Variants in UTRN observed in about 807,000 individuals in gnomAD.
UTRN encodes dystrophin-related protein 1.
Under a neutral mutation model 463.9 loss-of-function variants are expected in UTRN, and 283 were observed. The observed-to-expected ratio is 0.61, with a 90% CI of 0.55 to 0.67. The LOEUF (loss-of-function observed/expected upper bound fraction) is 0.67. Ranked by LOEUF, UTRN falls within the 30% of genes least tolerant of loss-of-function variation. The pLI is 0.00. For synonymous variants in UTRN, 1,442 were observed against 1,431.5 expected (o/e 1.01, Z -0.17); for missense variants, 3,922 against 4,084.3 (o/e 0.96, Z 1.08).
At chr6:144,333,988 C>T (rs554659469) in intron 2 of UTRN, among the ~76,000 whole-genome samples, 5 of 152,182 alleles carry the variant, frequency 3.3e-5, no homozygotes, top group African/African-American at 4.8e-5. Flanking sequence ...CATTGATGAT[C>T]GATGCTAAGA....
intron 47 of UTRN, among the ~76,000 whole-genome samples, chr6:144,549,284 T>C (rs1228697058): frequency 1.3e-5 from 2 of 152,220 alleles, no homozygotes; most frequent in Non-Finnish European, 2.9e-5. Context: ...CATCTAATAT[T>C]CATTTGTAAA....
chr6:144,677,371 G>T (rs918443497), intron 51 of UTRN, among the ~76,000 whole-genome samples: 1 of 152,060 alleles, frequency 6.6e-6, no homozygotes, highest in African/African-American at 2.4e-5. Context: ...GCGGTGTTTG[G>T]TTTTCTGTTC....
chr6:144,365,778 C>T (rs534116061), intron 2 of UTRN, among the ~76,000 whole-genome samples: 2 of 152,282 alleles, frequency 1.3e-5, no homozygotes, highest in African/African-American at 4.8e-5. Context: ...TGCTCTGTCA[C>T]CCAGGCTGGA....
intron 55 of UTRN, 104 bp from the exon 56 acceptor site, chr6:144,751,702 A>G (rs773115655): frequency 8.9e-5 from 100 of 1,126,516 alleles, no homozygotes; most frequent in Admixed American, 1.1e-4. Context: ...AAATCTGTGC[A>G]TATGTGAACC....
rs139758355 is a variant in UTRN, at chr6:144,499,418, C to T, written c.4755C>T (p.Ser1585=). ...TTGGTGACTTGGATACAGAAATTTC[C>T]TGGGCTAAAGTAAGTTGCAGTTCAG... ...GLLGDLDTEI[S]WAKNVLKDLE... The change falls in exon 34 of 75, where the codon TCC becomes TCT. Residue 1585 remains serine (S), a synonymous_variant. Transcript: ENST00000367545. The T allele has an allele frequency of 6.2e-7, 1 of 1,606,228 alleles. No homozygotes were observed. Among genetic ancestry groups the T allele is most frequent in the African/African-American group, 1.3e-5 (1 of 74,884 alleles).
intron 2 of UTRN, chr6:144,398,394 C>A: frequency 2.6e-6 from 1 of 379,036 alleles, no homozygotes; most frequent in South Asian, 2.5e-5. Flanking sequence ...GGGCATCTGG[C>A]TGGGATTCTT....
intron 13 of UTRN, 135 bp from the exon 14 acceptor site, chr6:144,444,146 G>A: frequency 1.5e-6 from 1 of 672,048 alleles, no homozygotes; most frequent in African/African-American, 1.9e-5. Context: ...TTATTTTAAA[G>A]CAATTTTTAT....
At chr6:144,832,858 C>A (rs543025823) in intron 69 of UTRN, among the ~76,000 whole-genome samples, 1 of 152,162 alleles carries the variant, frequency 6.6e-6, no homozygotes, top group South Asian at 2.1e-4. Flanking sequence ...CTCACTCTGT[C>A]GCCCAGGCTG....
chr6:144,616,115 T>C (rs985830758), intron 51 of UTRN, among the ~76,000 whole-genome samples: 2 of 152,150 alleles, frequency 1.3e-5, no homozygotes, highest in Admixed American at 6.6e-5. Flanking sequence ...GGCAGTAGCA[T>C]TGGACCCTAA....
intron 34 of UTRN, among the ~76,000 whole-genome samples, chr6:144,502,967 A>C (rs1585039916): frequency 6.6e-6 from 1 of 152,054 alleles, no homozygotes; most frequent in African/African-American, 2.4e-5. Flanking sequence ...ATGGTATCTC[A>C]TTGTAGTTTT....
chr6:144,641,552 C>G (rs1477456195), intron 51 of UTRN, among the ~76,000 whole-genome samples: 1 of 152,124 alleles, frequency 6.6e-6, no homozygotes, highest in East Asian at 1.9e-4. Context: ...ACTAGTTTTT[C>G]AGGTTAACTC....
chr6:144,444,249 T>C (rs370009354), intron 13 of UTRN, 32 bp from the exon 14 acceptor site: 21 of 1,558,882 alleles, frequency 1.3e-5, no homozygotes, highest in East Asian at 2.3e-5. Context: ...CTTAAGGCTG[T>C]GTTGACAAAG....
intron 2 of UTRN, among the ~76,000 whole-genome samples, chr6:144,297,951 A>AT (rs571000766): frequency 2.6e-5 from 4 of 152,160 alleles, no homozygotes; most frequent in Non-Finnish European, 5.9e-5. Flanking sequence ...ATTGAACCTT[A>AT]TTTGTACCCA....
intron 52 of UTRN, among the ~76,000 whole-genome samples, chr6:144,699,365 A>G (rs1784330149): frequency 1.3e-5 from 2 of 150,554 alleles, no homozygotes; most frequent in South Asian, 2.1e-4. Context: ...GTTTGAACCC[A>G]GGAGGCAGAG....
At chr6:144,310,709 CA>C in intron 2 of UTRN, among the ~76,000 whole-genome samples, 1 of 152,162 alleles carries the variant, frequency 6.6e-6, no homozygotes, top group Non-Finnish European at 1.5e-5. Context: ...ACCCAGGAGG[CA>C]GAGGTTGCAT....
intron 51 of UTRN, 42 bp from the exon 52 acceptor site, chr6:144,678,363 GA>G (rs1554335183): frequency 6.3e-7 from 1 of 1,579,240 alleles, no homozygotes; most frequent in African/African-American, 1.3e-5. Context: ...AAGATATACT[GA>G]TTCCTAACAC....
intron 60 of UTRN, among the ~76,000 whole-genome samples, chr6:144,779,231 C>T (rs562470242): frequency 6.6e-6 from 1 of 152,242 alleles, no homozygotes; most frequent in African/African-American, 2.4e-5. Flanking sequence ...GCCTTTTGGC[C>T]ATATTTGAAT....
At chr6:144,415,451 T>C (rs1784283737) in intron 3 of UTRN, among the ~76,000 whole-genome samples, 1 of 152,228 alleles carries the variant, frequency 6.6e-6, no homozygotes, top group African/African-American at 2.4e-5. Flanking sequence ...AGAATTTCAC[T>C]CTTTTAAGAA....
intron 52 of UTRN, among the ~76,000 whole-genome samples, chr6:144,699,135 C>T (rs569065269): frequency 6.6e-6 from 1 of 152,086 alleles, no homozygotes; most frequent in Non-Finnish European, 1.5e-5. Context: ...TCAGTAATTT[C>T]CATTCCTAAA....
Sources: allele counts gnomAD v4.1 joint callset (sites outside exome capture counted in the v4.1 genomes callset), GRCh38; gene constraint gnomAD v4.1.1; transcripts MANE v1.5; gene names NCBI Gene and HGNC (gene_info 2026-07-23, HGNC 2026-07-21).